M1AP: variants seen among roughly 807,000 people sequenced by gnomAD.
The protein encoded by M1AP is meiosis 1 associated protein.
In M1AP, 39 loss-of-function variants were observed where a neutral mutation model predicts 51.2. That is an observed-to-expected ratio of 0.76 (90% CI 0.59 to 1.00). M1AP has a LOEUF of 1.00. Ranked by LOEUF, M1AP falls within the 50% of genes least tolerant of loss-of-function variation. M1AP has a pLI of 0.00. For synonymous variants in M1AP, 251 were observed against 249.2 expected, an observed-to-expected ratio of 1.01 and a Z score of -0.07; for missense variants, 545 against 641.2, an observed-to-expected ratio of 0.85 and a Z score of 1.62.
chr2:74,642,606 T>C (rs994106249), intron 1 of M1AP, among the ~76,000 whole-genome samples: 3 of 152,180 alleles, frequency 2.0e-5, no homozygotes, highest in Non-Finnish European at 2.9e-5. Context: ...GTGAAGGTAG[T>C]AATGAGGTAA....
intron 2 of M1AP, 87 bp from the exon 3 acceptor site, chr2:74,615,236 C>A (rs1681598527): frequency 1.7e-6 from 2 of 1,184,752 alleles, no homozygotes; most frequent in Non-Finnish European, 2.4e-6. Flanking sequence ...TAAATAATTC[C>A]TCAGAAGTTC....
In M1AP at chr2:74,615,155, G is replaced by A; in HGVS notation, c.241-6C>T. 6.2e-7 allele frequency: 1 copy of A among 1,613,480 alleles called. No individual in the cohort carries two copies. On this transcript the variant is annotated splice_polypyrimidine_tract_variant and splice_region_variant and intron_variant, in intron 2 of 10. Transcript: ENST00000421985. ...GCAAAGTTCCCTTTCACTTGCTGCA[G>A]AGAAAAACGAATCAAAGACACAAGT... is the stretch of plus-strand genomic sequence containing the variant.
At position 74,575,497 on chromosome 2, in the gene M1AP, C is replaced by T; in HGVS notation, c.1015G>A (p.Asp339Asn). The change falls in exon 7 of 11, where the codon GAC becomes AAC. Residue 339 changes from aspartate (D) to asparagine (N), a missense_variant. Coordinates refer to ENST00000421985, the MANE Select transcript of M1AP (RefSeq NM_001321739.2). ...ILRPTSCWQL[D>N]WDELETNQQH... ...TGATTTGTCTCCAGCTCATCCCAGT[C>T]CAGCTGCCAACAGCTTGTAGGTCTG... 2 of 1,614,148 alleles carry T rather than the reference C, an allele frequency of 1.2e-6. No homozygotes were observed. Among genetic ancestry groups the T allele is most frequent in the Middle Eastern group, 1.7e-4 (1 of 6,044 alleles).
chr2:74,590,728 C>T (rs897718901), intron 4 of M1AP, among the ~76,000 whole-genome samples: 6 of 152,136 alleles, frequency 3.9e-5, no homozygotes, highest in Non-Finnish European at 7.3e-5. Context: ...GATTGCCAAT[C>T]CCACTTTGAA....
chr2:74,647,420 A>T, intron 1 of M1AP: 1 of 985,202 alleles, frequency 1.0e-6, no homozygotes, highest in Non-Finnish European at 1.2e-6. Context: ...GCAGGGCCCT[A>T]TTAAAGATTT....
chr2:74,582,911 C>T (rs1391358377), intron 4 of M1AP, among the ~76,000 whole-genome samples: 3 of 151,938 alleles, frequency 2.0e-5, no homozygotes, highest in Non-Finnish European at 4.4e-5. Flanking sequence ...ATTCCAGCTA[C>T]GTGGAAGGCT....
chr2:74,611,773 G>A (rs926265523), intron 3 of M1AP, among the ~76,000 whole-genome samples: 4 of 150,712 alleles, frequency 2.7e-5, no homozygotes, highest in African/African-American at 7.3e-5. Flanking sequence ...TGGAGGTTGC[G>A]GTGAGCCGAG....
intron 1 of M1AP, among the ~76,000 whole-genome samples, chr2:74,646,524 A>C (rs944676954): frequency 6.6e-6 from 1 of 152,208 alleles, no homozygotes; most frequent in Non-Finnish European, 1.5e-5. Context: ...TTCATTATTA[A>C]AGAAACTTTC....
At chr2:74,596,097 T>C (rs1207642400) in intron 4 of M1AP, among the ~76,000 whole-genome samples, 2 of 152,218 alleles carry the variant, frequency 1.3e-5, no homozygotes, top group East Asian at 3.9e-4. Flanking sequence ...GAAAATAAAA[T>C]GGTAGACCTG....
intron 2 of M1AP, among the ~76,000 whole-genome samples, chr2:74,618,524 G>A (rs1387861628): frequency 2.0e-5 from 3 of 152,106 alleles, no homozygotes; most frequent in African/African-American, 7.2e-5. Context: ...GGGTGTTGTG[G>A]GTCAGAAACA....
At chr2:74,621,747 C>T (rs1461033591) in intron 2 of M1AP, among the ~76,000 whole-genome samples, 2 of 151,610 alleles carry the variant, frequency 1.3e-5, no homozygotes, top group East Asian at 1.9e-4. Context: ...GAGCCGAGAT[C>T]GCGCTACTGC....
rs1202336844 is a variant in M1AP, at chr2:74,558,302, G to A, written c.*414C>T. Reference sequence around the variant, plus strand: ...TGAGGCTTGGATTTCAATCTTACTTGTCTTTTATGAGCTTTCAAAACCTCA... The same window carrying A: ...TGAGGCTTGGATTTCAATCTTACTTATCTTTTATGAGCTTTCAAAACCTCA... On this transcript the variant is annotated 3_prime_UTR_variant, in exon 11 of 11. Coordinates refer to ENST00000421985, the MANE Select transcript of M1AP (RefSeq NM_001321739.2). 2 of 177,358 alleles carry A rather than the reference G, an allele frequency of 1.1e-5. No individual in the cohort carries two copies. The highest frequency in any genetic ancestry group is 2.4e-5 in the Non-Finnish European group (2 of 85,096). The allele number at this position is 177,358 out of a possible 1,614,324, so 11.0% of individuals were successfully genotyped here. A position where few individuals can be genotyped will look rare whatever the true frequency, so the allele number is the denominator to read the frequency against.
chr2:74,630,275 C>T (rs1474927232), intron 2 of M1AP, among the ~76,000 whole-genome samples: 3 of 152,130 alleles, frequency 2.0e-5, no homozygotes, highest in African/African-American at 4.8e-5. Flanking sequence ...TTTTAATAGG[C>T]TCCCCTTCCA....
chr2:74,562,094 A>C (rs1242467836), intron 8 of M1AP, 123 bp downstream of exon 8: 19 of 1,447,996 alleles, frequency 1.3e-5, no homozygotes, highest in South Asian at 1.6e-5. Flanking sequence ...TTCTCTTCTT[A>C]CTCTCTTACC....
In M1AP at chr2:74,605,083, A is replaced by AAAAC. The variant is rs537377956; in HGVS notation, c.595+1968_595+1971dup. On this transcript the variant is annotated intron_variant, in intron 4 of 10. Coordinates refer to ENST00000421985, the MANE Select transcript of M1AP (RefSeq NM_001321739.2). ...TCCCCATGGGGTTAGCAAAAATAAA[A>AAAAC]AAACAAACAAACAAGGATAATTCCT... Among the ~76,000 whole-genome samples, 379 of 152,354 alleles carry AAAAC rather than the reference A, an allele frequency of 2.5e-3. 4 individuals are homozygous for AAAAC. Among genetic ancestry groups the AAAAC allele is most frequent in the African/African-American group, 8.6e-3 (359 of 41,572 alleles).
chr2:74,614,736 C>T (rs1681563427), intron 3 of M1AP, among the ~76,000 whole-genome samples: 1 of 152,186 alleles, frequency 6.6e-6, no homozygotes, highest in Non-Finnish European at 1.5e-5. Context: ...TAATTCACTT[C>T]AGTCTGTATT....
intron 2 of M1AP, chr2:74,628,442 G>T: frequency 2.5e-6 from 1 of 393,540 alleles, no homozygotes; most frequent in Non-Finnish European, 5.2e-6. Flanking sequence ...AACCATATAG[G>T]TTGGCATCTG....
At chr2:74,567,590 G>A (rs528923260) in intron 7 of M1AP, among the ~76,000 whole-genome samples, 2 of 152,358 alleles carry the variant, frequency 1.3e-5, no homozygotes, top group East Asian at 3.8e-4. Context: ...GTTAGTAGCT[G>A]TGAAGTGTTT....
In M1AP at chr2:74,602,153, C is replaced by T. The variant is rs181185388; in HGVS notation, c.595+4902G>A. Among the ~76,000 whole-genome samples, 101 of 152,150 alleles carry T rather than the reference C, an allele frequency of 6.6e-4. 2 individuals carry two copies. Among genetic ancestry groups the T allele is most frequent in the African/African-American group, 2.4e-3 (99 of 41,530 alleles). The stretch of plus-strand genomic sequence containing the variant: ...ATGGCTGTTTGGGACATATCCCTAA[C>T]TATTTTAGCCGATGTCACAGAGGTT... On this transcript the variant is annotated intron_variant, in intron 4 of 10. Transcript: ENST00000421985.
Sources: gnomAD v4.1 joint callset for allele counts (sites outside exome capture counted in the v4.1 genomes callset) on GRCh38, gnomAD v4.1.1 for gene constraint, MANE v1.5 for transcripts, NCBI Gene and HGNC (gene_info 2026-07-23, HGNC 2026-07-21) for gene names.